Variants in MAB21L3 observed in about 807,000 individuals in gnomAD.
MAB21L3 encodes the protein mab-21 like 3.
MAB21L3 carries 36 observed loss-of-function variants against 37.7 expected under a neutral mutation model. The observed-to-expected ratio is 0.96, with a 90% CI of 0.73 to 1.26. The LOEUF (loss-of-function observed/expected upper bound fraction) is 1.26, where lower values mean the gene tolerates loss of function less well. Among genes scored for constraint, MAB21L3 ranks in the 50% most tolerant of loss-of-function variants. MAB21L3 has a pLI of 0.00. For synonymous variants in MAB21L3, 186 were observed against 176.8 expected, an observed-to-expected ratio of 1.05 and a Z score of -0.41; for missense variants, 430 against 447.3, an observed-to-expected ratio of 0.96 and a Z score of 0.35.
At chr1:116,117,162 C>CATATATATATATATATATATATATAT (rs35799148) in intron 3 of MAB21L3, among the ~76,000 whole-genome samples, 2 of 114,570 alleles carry the variant, frequency 1.7e-5, no homozygotes, top group Admixed American at 9.6e-5. Context: ...AATATACATA[C>CATATATATATATATATATATATATAT]ATATATATAT....
chr1:116,116,596 C>T (rs1454542733), intron 3 of MAB21L3, among the ~76,000 whole-genome samples: 1 of 152,076 alleles, frequency 6.6e-6, no homozygotes, highest in African/African-American at 2.4e-5. Context: ...AAGGGTGTGG[C>T]AAAGTGTGAT....
Position 116,137,758 on chromosome 1 carries a change from T to C in MAB21L3, c.*4393T>C, listed in dbSNP as rs566801457. On this transcript the variant is annotated 3_prime_UTR_variant, in exon 8 of 8. Transcript: ENST00000369500. Reference sequence around the variant, plus strand: ...ACAATGATAGAGTGGATTAAGAAAATGTGGCACATATACACCATGGAATAC... The same window carrying C: ...ACAATGATAGAGTGGATTAAGAAAACGTGGCACATATACACCATGGAATAC... Among the ~76,000 whole-genome samples, 5 of 151,834 alleles carry C rather than the reference T, an allele frequency of 3.3e-5. No individual in the cohort carries two copies. The highest frequency in any genetic ancestry group is 1.2e-4 in the African/African-American group (5 of 41,346).
At chr1:116,113,312 C>T (rs1209638467) in intron 3 of MAB21L3, among the ~76,000 whole-genome samples, 1 of 152,136 alleles carries the variant, frequency 6.6e-6, no homozygotes, top group Admixed American at 6.5e-5. Flanking sequence ...CATGCCTTTA[C>T]AAGTTCGAAA....
chr1:116,129,408 G>A (rs1288994765), intron 7 of MAB21L3, among the ~76,000 whole-genome samples: 1 of 152,222 alleles, frequency 6.6e-6, no homozygotes, highest in Non-Finnish European at 1.5e-5. Context: ...GCTAGTGTGG[G>A]CTGTGAAGCC....
intron 4 of MAB21L3, among the ~76,000 whole-genome samples, chr1:116,121,494 CT>C (rs1216636052): frequency 6.6e-6 from 1 of 152,154 alleles, no homozygotes; most frequent in Non-Finnish European, 1.5e-5. Context: ...CACACAGAGG[CT>C]TTTGATTCCA....
At chr1:116,132,592 G>A (rs1258369434) in intron 7 of MAB21L3, among the ~76,000 whole-genome samples, 6 of 152,166 alleles carry the variant, frequency 3.9e-5, no homozygotes, top group Middle Eastern at 3.2e-3. Context: ...TAATAGAGCC[G>A]ACTCTCCAGA....
At chr1:116,127,080 A>C (rs1036961412) in intron 5 of MAB21L3, among the ~76,000 whole-genome samples, 3 of 152,172 alleles carry the variant, frequency 2.0e-5, no homozygotes, top group African/African-American at 7.2e-5. Context: ...ATGTGACCTC[A>C]TCGTAAGTCA....
rs767072214 is a variant in MAB21L3 at position 116,117,625 on chromosome 1, G to A, written c.49-3307G>A. Among the ~76,000 whole-genome samples, 358 of 152,188 alleles carry A rather than the reference G, an allele frequency of 2.4e-3. 2 individuals are homozygous for A. Among genetic ancestry groups the A allele is most frequent in the Non-Finnish European group, 1.7e-3 (119 of 68,010 alleles). ...CTTACTGATATCCCACAGCCTCAGGGACTCAGCCTCAGCCAAGTCTTGACA... is the reference window on the plus strand; with the variant it reads ...CTTACTGATATCCCACAGCCTCAGGAACTCAGCCTCAGCCAAGTCTTGACA... On this transcript the variant is annotated intron_variant, in intron 3 of 7. Transcript: ENST00000369500.
chr1:116,129,431 T>A lies in MAB21L3; in HGVS notation c.855+1092T>A, dbSNP rs118113556. On this transcript the variant is annotated intron_variant, in intron 7 of 7. Coordinates refer to ENST00000369500, the MANE Select transcript of MAB21L3 (RefSeq NM_152367.3). ...GGGCTGTGAAGCCTAGCTTCAGCCC[T>A]CCTCCCTGGCCCCAGAAAGGATGGA... Among the ~76,000 whole-genome samples the A allele has an allele frequency of 1.8e-3, 279 of 152,262 alleles. 1 individual carries two copies. Among genetic ancestry groups the A allele is most frequent in the East Asian group, 9.9e-3 (51 of 5,176 alleles).
intron 7 of MAB21L3, among the ~76,000 whole-genome samples, chr1:116,131,163 G>A (rs759463586): frequency 1.3e-5 from 2 of 152,192 alleles, no homozygotes; most frequent in African/African-American, 4.8e-5. Flanking sequence ...TCCAGTAGGG[G>A]AAATGATAAA....
chr1:116,119,160 G>T (rs1487014219), intron 3 of MAB21L3, among the ~76,000 whole-genome samples: 1 of 152,120 alleles, frequency 6.6e-6, no homozygotes, highest in African/African-American at 2.4e-5. Context: ...TCCCATAATA[G>T]CATCCCACAA....
At chr1:116,114,530 C>T (rs775976289) in intron 3 of MAB21L3, among the ~76,000 whole-genome samples, 8 of 152,156 alleles carry the variant, frequency 5.3e-5, no homozygotes, top group Non-Finnish European at 7.4e-5. Context: ...CTCCAAAGGC[C>T]GAACGTCCTC....
In MAB21L3 at chr1:116,128,304, G is replaced by A. The variant is rs757837090; in HGVS notation, c.820G>A (p.Gly274Arg). ...CCTGAAGGAGGACATCTGGTGCCCA[G>A]GGAACAGGCCGGTTATCACGTCCCA... ...RHLKEDIWCP[G>R]NRPVITSHHL... The change falls in exon 7 of 8, where the codon GGG (glycine) becomes AGG (arginine). Residue 274 changes from glycine to arginine, a missense_variant. Physicochemically the swap from Gly to Arg is moderately radical, Grantham distance 125. Coordinates refer to ENST00000369500, the MANE Select transcript of MAB21L3 (RefSeq NM_152367.3). 6.2e-7 allele frequency: 1 copy of A among 1,613,680 alleles called. No individual in the cohort carries two copies. Among genetic ancestry groups the A allele is most frequent in the Non-Finnish European group, 8.5e-7 (1 of 1,179,940 alleles).
Position 116,133,353 on chromosome 1 carries a change from C to A in MAB21L3, c.1077C>A (p.Ile359=), listed in dbSNP as rs138505642. 1.9e-6 allele frequency: 3 copies of A among 1,614,188 alleles called. No homozygotes were observed. Among genetic ancestry groups the A allele is most frequent in the South Asian group, 2.2e-5 (2 of 91,082 alleles). Residue 359 remains isoleucine (I), a synonymous_variant, in exon 8 of 8, where the codon ATC becomes ATA. Transcript: ENST00000369500. ...KLATFLKNPQ[I]GPP ...CCACCTTCCTGAAGAACCCCCAGAT[C>A]GGCCCGCCCTGATGGTTGCCCCGGC...
intron 3 of MAB21L3, among the ~76,000 whole-genome samples, chr1:116,113,122 A>G (rs185189977): frequency 6.6e-6 from 1 of 152,360 alleles, no homozygotes; most frequent in East Asian, 1.9e-4. Context: ...CACATCAGTT[A>G]AGAACTTAAT....
chr1:116,121,927 A>G (rs1409292489), intron 4 of MAB21L3, among the ~76,000 whole-genome samples: 1 of 152,148 alleles, frequency 6.6e-6, no homozygotes, highest in African/African-American at 2.4e-5. Flanking sequence ...CTCGATTTTT[A>G]TTATGCCACC....
In MAB21L3 at chr1:116,127,589, G is replaced by C; in HGVS notation, c.605G>C (p.Arg202Pro). 6.2e-7 allele frequency: 1 copy of C among 1,614,154 alleles called. No homozygotes were observed. The highest frequency in any genetic ancestry group is 8.5e-7 in the Non-Finnish European group (1 of 1,180,032). Residue 202 changes from arginine to proline, a missense_variant, in exon 6 of 8, where the codon CGG becomes CCG. Arg to Pro is a moderately radical substitution (Grantham distance 103). Coordinates refer to ENST00000369500, the MANE Select transcript of MAB21L3 (RefSeq NM_152367.3). ...CCCACCACCTGGTCCAAGAAAGCCC[G>C]GTGGCCTCGATGTCTGCAGCGCTGG... ...EIPTTWSKKA[R>P]WPRCLQRWPS...
rs1401389570 is a variant in MAB21L3, at chr1:116,136,800, G to A, written c.*3435G>A. Among the ~76,000 whole-genome samples, 6 of 150,822 alleles carry A rather than the reference G, an allele frequency of 4.0e-5. No individual in the cohort carries two copies. The highest frequency in any genetic ancestry group is 1.9e-4 in the East Asian group (1 of 5,142). ...GGATATAGATCAATGGAACAGAACA[G>A]AGCCCTCAGAAATAACGCCGCATAT... is the stretch of plus-strand genomic sequence containing the variant. On this transcript the variant is annotated 3_prime_UTR_variant, in exon 8 of 8. Coordinates refer to ENST00000369500, the MANE Select transcript of MAB21L3 (RefSeq NM_152367.3).
chr1:116,118,051 A>C (rs778707258), intron 3 of MAB21L3, among the ~76,000 whole-genome samples: 1 of 152,116 alleles, frequency 6.6e-6, no homozygotes, highest in South Asian at 2.1e-4. Flanking sequence ...GGAAAAAAAA[A>C]ACTGTTCGCA....
Sources: gnomAD v4.1 joint callset for allele counts (sites outside exome capture counted in the v4.1 genomes callset) on GRCh38, gnomAD v4.1.1 for gene constraint, MANE v1.5 for transcripts, NCBI Gene and HGNC (gene_info 2026-07-23, HGNC 2026-07-21) for gene names.